GRIK2: variants seen among roughly 807,000 people sequenced by gnomAD.
GRIK2 encodes glutamate ionotropic receptor kainate type subunit 2, also known as glutamate receptor ionotropic, kainate 2.
A neutral mutation model predicts 100.3 loss-of-function variants in GRIK2; 32 were observed. That is an observed-to-expected ratio of 0.32 (90% CI 0.24 to 0.43). The LOEUF (loss-of-function observed/expected upper bound fraction) is 0.43, where lower values mean the gene tolerates loss of function less well. Ranked by LOEUF, GRIK2 falls within the 20% of genes least tolerant of loss-of-function variation. The probability of loss-of-function intolerance (pLI) is 1.00; values close to 1 mark genes in which losing one functional copy is unlikely to be tolerated. For synonymous variants in GRIK2, 417 were observed against 389.4 expected (o/e 1.07, Z -0.83); for missense variants, 843 against 1,114.9 (o/e 0.76, Z 3.47).
At chr6:101,645,443 C>T (rs1377623148) in intron 4 of GRIK2, among the ~76,000 whole-genome samples, 1 of 151,890 alleles carries the variant, frequency 6.6e-6, no homozygotes, top group East Asian at 1.9e-4. Context: ...TGTTTTGAAT[C>T]TCATATGAGA....
At chr6:101,755,368 A>G (rs971927378) in intron 7 of GRIK2, among the ~76,000 whole-genome samples, 2 of 151,766 alleles carry the variant, frequency 1.3e-5, no homozygotes, top group Non-Finnish European at 2.9e-5. Flanking sequence ...GGGTTTCACC[A>G]TGTTAAGCCA....
intron 2 of GRIK2, among the ~76,000 whole-genome samples, chr6:101,476,617 G>C (rs888841208): frequency 6.6e-6 from 1 of 152,008 alleles, no homozygotes; most frequent in East Asian, 1.9e-4. Context: ...AAAAAGCTTG[G>C]CACGTAGAAA....
chr6:101,854,404 C>T (rs1434862739), intron 10 of GRIK2, among the ~76,000 whole-genome samples: 1 of 152,052 alleles, frequency 6.6e-6, no homozygotes, highest in Non-Finnish European at 1.5e-5. Flanking sequence ...GGACTACAGG[C>T]ACCTGCCACC....
chr6:101,929,426 T>A (rs1790119845), intron 14 of GRIK2, among the ~76,000 whole-genome samples: 1 of 152,184 alleles, frequency 6.6e-6, no homozygotes, highest in South Asian at 2.1e-4. Context: ...TTTCTTTCTG[T>A]GTTCACAGAA....
chr6:101,532,830 A>G (rs1226620390), intron 2 of GRIK2, among the ~76,000 whole-genome samples: 1 of 150,336 alleles, frequency 6.7e-6, no homozygotes, highest in Non-Finnish European at 1.5e-5. Flanking sequence ...TTGAGTTTAA[A>G]GAAGTGAGAA....
chr6:101,958,858 G>C (rs1792109187), intron 14 of GRIK2, among the ~76,000 whole-genome samples: 1 of 152,008 alleles, frequency 6.6e-6, no homozygotes, highest in Admixed American at 6.6e-5. Context: ...AACCATTCTT[G>C]AATCCCTGAA....
At chr6:101,492,202 A>G (rs1298052188) in intron 2 of GRIK2, among the ~76,000 whole-genome samples, 1 of 151,946 alleles carries the variant, frequency 6.6e-6, no homozygotes, top group African/African-American at 2.4e-5. Flanking sequence ...ATTAGTTTAA[A>G]CATCCTATAA....
At chr6:101,964,338 G>C (rs1419295806) in intron 14 of GRIK2, among the ~76,000 whole-genome samples, 2 of 151,874 alleles carry the variant, frequency 1.3e-5, no homozygotes, top group African/African-American at 4.8e-5. Context: ...TGTTTCACTG[G>C]AGAGGAGGTT....
At chr6:101,891,713 C>G in intron 12 of GRIK2, 1 of 315,176 alleles carries the variant, frequency 3.2e-6, no homozygotes, top group Non-Finnish European at 6.2e-6. Flanking sequence ...TGCCATATAG[C>G]ATTTGAAGCT....
chr6:101,697,723 A>T (rs554558034), intron 7 of GRIK2, among the ~76,000 whole-genome samples: 147 of 152,012 alleles, frequency 9.7e-4, no homozygotes, highest in Middle Eastern at 3.4e-3. Flanking sequence ...AAATCACCTA[A>T]CTCTTGAAAA....
chr6:102,069,305 AATAAT>A lies in GRIK2; in HGVS notation c.*796_*800del, dbSNP rs918751748. ...TAACCCCCATATCCCAAATAATAAT[AATAAT>A]AATAATAATAATAATAATAATAATA... is the stretch of plus-strand genomic sequence containing the variant. On this transcript the variant is annotated 3_prime_UTR_variant, in exon 17 of 17. Coordinates refer to ENST00000369134, the MANE Select transcript of GRIK2 (RefSeq NM_021956.5). The A allele has an allele frequency of 7.0e-6, 1 of 142,828 alleles. No individual in the cohort carries two copies. The highest frequency in any genetic ancestry group is 1.5e-5 in the Non-Finnish European group (1 of 65,228). 8.8% of individuals were successfully genotyped at this position (142,828 alleles called of 1,614,324 possible).
chr6:101,452,868 C>A (rs947745031), intron 2 of GRIK2, among the ~76,000 whole-genome samples: 1 of 151,750 alleles, frequency 6.6e-6, no homozygotes, highest in Non-Finnish European at 1.5e-5. Flanking sequence ...AATATTCCAC[C>A]ATTTAATAGT....
chr6:101,633,335 C>T (rs764554983), intron 4 of GRIK2, among the ~76,000 whole-genome samples: 3 of 152,060 alleles, frequency 2.0e-5, no homozygotes, highest in Admixed American at 6.6e-5. Context: ...GTGGTTACTA[C>T]GGTCTTTGGT....
intron 1 of GRIK2, among the ~76,000 whole-genome samples, chr6:101,394,104 A>T (rs1419049848): frequency 6.6e-6 from 1 of 152,116 alleles, no homozygotes; most frequent in African/African-American, 2.4e-5. Context: ...CTCCACATAA[A>T]ATGATTTAAG....
chr6:101,799,891 T>C (rs1011798229), intron 8 of GRIK2, 100 bp downstream of exon 8: 6 of 905,410 alleles, frequency 6.6e-6, no homozygotes, highest in Non-Finnish European at 8.4e-6. Context: ...TTACTTTATG[T>C]TTAATTTAAA....
chr6:101,687,993 A>AT lies in GRIK2; in HGVS notation c.951+1646dup, dbSNP rs1463058833. Among the ~76,000 whole-genome samples, 3 of 149,264 alleles carry AT rather than the reference A, an allele frequency of 2.0e-5. No homozygotes were observed. The East Asian group carries it at 5.8e-4, about 29-fold the overall frequency. On this transcript the variant is annotated intron_variant, in intron 7 of 16. Coordinates refer to ENST00000369134, the MANE Select transcript of GRIK2 (RefSeq NM_021956.5). ...AACTTTTGAAACTTAAGACAATGTG[A>AT]TTTTTTAATATTATAATGTATGCTA...
Position 101,557,622 on chromosome 6 carries a change from C to T in GRIK2, c.116-64327C>T, listed in dbSNP as rs183834081. 2.9e-3 allele frequency among the ~76,000 whole-genome samples: 434 copies of T among 152,214 alleles called. 2 individuals are homozygous for T. The highest frequency in any genetic ancestry group is 9.7e-3 in the African/African-American group (404 of 41,534). On this transcript the variant is annotated intron_variant, in intron 2 of 16. Transcript: ENST00000369134. ...TTTTAAATATTTGCTTTTCTAACTC[C>T]TACTCATGTTCAGCAACATACGCAC... is the stretch of plus-strand genomic sequence containing the variant.
chr6:101,891,273 C>T (rs1320806687), intron 12 of GRIK2, among the ~76,000 whole-genome samples: 1 of 151,782 alleles, frequency 6.6e-6, no homozygotes, highest in Non-Finnish European at 1.5e-5. Context: ...AATCCCAGCA[C>T]TTTGGGAGGC....
intron 2 of GRIK2, among the ~76,000 whole-genome samples, chr6:101,467,800 A>C (rs1191793133): frequency 6.6e-6 from 1 of 152,182 alleles, no homozygotes; most frequent in Non-Finnish European, 1.5e-5. Context: ...TGATGAATAC[A>C]CATATAGAAC....
Sources: allele counts gnomAD v4.1 joint callset (sites outside exome capture counted in the v4.1 genomes callset), GRCh38; gene constraint gnomAD v4.1.1; transcripts MANE v1.5; gene names NCBI Gene and HGNC (gene_info 2026-07-23, HGNC 2026-07-21).